Variants in FAM78A observed in about 807,000 individuals in gnomAD.
FAM78A encodes family with sequence similarity 78 member A, also known as protein FAM78A.
A neutral mutation model predicts 22.6 loss-of-function variants in FAM78A; 12 were observed. The observed-to-expected ratio is 0.53, with a 90% confidence interval of 0.34 to 0.86. The LOEUF is 0.86. Ranked by LOEUF, FAM78A falls within the 40% of genes least tolerant of loss-of-function variation. The probability of loss-of-function intolerance (pLI) is 0.02; values close to 1 mark genes in which losing one functional copy is unlikely to be tolerated. For synonymous variants in FAM78A, 151 were observed against 155.8 expected (o/e 0.97, Z 0.23); for missense variants, 322 against 396.1 (o/e 0.81, Z 1.59).
Position 131,272,596 on chromosome 9 carries a change from A to T in FAM78A, c.323+3261T>A, listed in dbSNP as rs1453526533. Among the ~76,000 whole-genome samples the T allele has an allele frequency of 1.3e-5, 2 of 152,226 alleles. No individual in the cohort carries two copies. Among genetic ancestry groups the T allele is most frequent in the African/African-American group, 2.4e-5 (1 of 41,456 alleles). On this transcript the variant is annotated intron_variant, in intron 1 of 1. Coordinates refer to ENST00000372271, the MANE Select transcript of FAM78A (RefSeq NM_033387.4). This position sits in a 1 kb window ranked among gnomAD's most constrained non-coding sequence, Gnocchi z 4.1. Reference sequence around the variant, plus strand: ...ATGCCACAAGGCTTAAAAACTTGGAAAATGGAAGTCATCACAGGAGGCCTG... The same window carrying T: ...ATGCCACAAGGCTTAAAAACTTGGATAATGGAAGTCATCACAGGAGGCCTG...
chr9:131,259,540 T>G lies in FAM78A; in HGVS notation c.*1282A>C, dbSNP rs1051786604. The G allele has an allele frequency of 4.6e-5, 7 of 152,342 alleles. No homozygotes were observed. Among genetic ancestry groups the G allele is most frequent in the African/African-American group, 1.7e-4 (7 of 41,446 alleles). The allele number at this position is 152,342 out of a possible 1,614,324, so 9.4% of individuals were successfully genotyped here. A position where few individuals can be genotyped will look rare whatever the true frequency, so the allele number is the denominator to read the frequency against. On this transcript the variant is annotated 3_prime_UTR_variant, in exon 2 of 2. Coordinates refer to ENST00000372271, the MANE Select transcript of FAM78A (RefSeq NM_033387.4). ...AGACTTCCCTAGAGCTTGGGTGCCT[T>G]CCACCTCCATCACTGTGGCACCCAG...
In FAM78A at chr9:131,275,841, T is replaced by A; in HGVS notation, c.323+16A>T. On this transcript the variant is annotated intron_variant, in intron 1 of 1. Transcript: ENST00000372271. This position sits in a 1 kb window ranked among gnomAD's most constrained non-coding sequence, Gnocchi z 4.6. ...ATCCCTAGCAGTTCCCAGAGCTGGC[T>A]CTCGGCCGTACTCACATGCCCTGCT... 1.9e-6 allele frequency: 3 copies of A among 1,560,060 alleles called. No homozygotes were observed. The highest frequency in any genetic ancestry group is 2.6e-6 in the Non-Finnish European group (3 of 1,150,630).
At chr9:131,266,286 T>C (rs1182658587) in intron 1 of FAM78A, among the ~76,000 whole-genome samples, 1 of 152,186 alleles carries the variant, frequency 6.6e-6, no homozygotes, top group Non-Finnish European at 1.5e-5. Context: ...GACTCCCCTA[T>C]GCCCTTAAAA....
At chr9:131,267,811 T>C (rs1362815378) in intron 1 of FAM78A, among the ~76,000 whole-genome samples, 1 of 151,880 alleles carries the variant, frequency 6.6e-6, no homozygotes, top group Non-Finnish European at 1.5e-5. Context: ...TTTGGGAGGC[T>C]GAGGCGGGCA....
chr9:131,276,361 TCTC>T lies in FAM78A; in HGVS notation c.-185_-183del, dbSNP rs1198800360. The T allele has an allele frequency of 3.0e-5, 16 of 540,626 alleles. No homozygotes were observed. Among genetic ancestry groups the T allele is most frequent in the African/African-American group, 2.5e-4 (13 of 52,672 alleles). The allele number at this position is 540,626 out of a possible 1,614,324, so 33.5% of individuals were successfully genotyped here. On this transcript the variant is annotated 5_prime_UTR_variant, in exon 1 of 2. Coordinates refer to ENST00000372271, the MANE Select transcript of FAM78A (RefSeq NM_033387.4). This position sits in a 1 kb window ranked among gnomAD's most constrained non-coding sequence, Gnocchi z 4.3. ...TCATGAGCCCTGGGCTCTCTCTTCT[TCTC>T]CTCGCAGTGGACAAAAATCACCGAT...
chr9:131,261,877 C>T lies in FAM78A; in HGVS notation c.324-527G>A, dbSNP rs921448646. On this transcript the variant is annotated intron_variant, in intron 1 of 1. Transcript: ENST00000372271. The surrounding 1 kb of genome is among the most constrained non-coding windows in gnomAD (Gnocchi z 7.1). ...AGCTCAGGACACCCTGCGCCCACTG[C>T]GCCTTCTGCTCACCTACGTGCACAG... 2.6e-5 allele frequency among the ~76,000 whole-genome samples: 4 copies of T among 152,184 alleles called. No individual in the cohort carries two copies. Among genetic ancestry groups the T allele is most frequent in the South Asian group, 2.1e-4 (1 of 4,830 alleles).
At chr9:131,276,901 C>A (rs2131199693), upstream of FAM78A, among the ~76,000 whole-genome samples, 1 of 149,178 alleles carries the variant, frequency 6.7e-6, no homozygotes, top group Middle Eastern at 3.4e-3. This position sits in a 1 kb window ranked among gnomAD's most constrained non-coding sequence, Gnocchi z 4.3. Context: ...CCCGGGGCTG[C>A]GCTCCGGCCG....
intron 1 of FAM78A, among the ~76,000 whole-genome samples, chr9:131,273,901 AG>A (rs1386555156): frequency 6.6e-6 from 1 of 152,228 alleles, no homozygotes; most frequent in African/African-American, 2.4e-5. Context: ...AGAGCAGTAA[AG>A]GGACTTGCCT....
In FAM78A at chr9:131,258,868, C is replaced by A. The variant is rs1564233913; in HGVS notation, c.*1954G>T. The A allele has an allele frequency of 6.6e-6, 1 of 152,286 alleles. No individual in the cohort carries two copies. Among genetic ancestry groups the A allele is most frequent in the Non-Finnish European group, 1.5e-5 (1 of 68,056 alleles). 9.4% of individuals were successfully genotyped at this position (152,286 alleles called of 1,614,324 possible). On this transcript the variant is annotated 3_prime_UTR_variant, in exon 2 of 2. Transcript: ENST00000372271. ...GCAGTTTCTGCGGGGAGGTCCTGGC[C>A]CCCATCAGGGGCCCCCTGAGCACCG...
chr9:131,261,725 G>A lies in FAM78A; in HGVS notation c.324-375C>T, dbSNP rs1251814608. Among the ~76,000 whole-genome samples, 2 of 152,116 alleles carry A rather than the reference G, an allele frequency of 1.3e-5. No homozygotes were observed. Among genetic ancestry groups the A allele is most frequent in the Admixed American group, 6.5e-5 (1 of 15,268 alleles). On this transcript the variant is annotated intron_variant, in intron 1 of 1. Transcript: ENST00000372271. The surrounding 1 kb of genome is among the most constrained non-coding windows in gnomAD (Gnocchi z 7.1). ...CAATCTTCTCCATGCAACCCCACCC[G>A]GCAGATACAGAAAGTGAAGTGGTGG...
chr9:131,278,364 G>T (rs1835511120), upstream of FAM78A, among the ~76,000 whole-genome samples: 1 of 152,198 alleles, frequency 6.6e-6, no homozygotes, highest in Admixed American at 6.5e-5. Flanking sequence ...TTGCCCTGGG[G>T]TTCCTGACCG....
intron 1 of FAM78A, among the ~76,000 whole-genome samples, chr9:131,269,451 A>C (rs1426173849): frequency 6.7e-6 from 1 of 150,332 alleles, no homozygotes; most frequent in Non-Finnish European, 1.5e-5. Context: ...TGCTATTAGG[A>C]GCCGTGCTGG....
chr9:131,271,992 C>T (rs1835427014), intron 1 of FAM78A, among the ~76,000 whole-genome samples: 3 of 151,914 alleles, frequency 2.0e-5, no homozygotes, highest in Admixed American at 2.0e-4. Flanking sequence ...CCAGCTCTGT[C>T]TGCAAAAGTC....
upstream of FAM78A, among the ~76,000 whole-genome samples, chr9:131,279,168 G>T (rs1046327608): frequency 1.3e-5 from 2 of 152,236 alleles, no homozygotes; most frequent in African/African-American, 4.8e-5. Flanking sequence ...ACTGACTCGG[G>T]CCAAGGCAGG....
Position 131,276,274 on chromosome 9 carries a change from G to A in FAM78A, c.-95C>T, listed in dbSNP as rs1835483283. On this transcript the variant is annotated 5_prime_UTR_variant, in exon 1 of 2. Coordinates refer to ENST00000372271, the MANE Select transcript of FAM78A (RefSeq NM_033387.4). The surrounding 1 kb of genome is among the most constrained non-coding windows in gnomAD (Gnocchi z 4.3). ...ATCCATAGGATAGAAAACTCACTGA[G>A]TAGACTGGGGTTGCATATATCACTA... The A allele has an allele frequency of 8.9e-6, 9 of 1,008,074 alleles. No individual in the cohort carries two copies. The South Asian group carries it at 1.5e-4, about 17-fold the overall frequency. The allele number at this position is 1,008,074 out of a possible 1,614,324, so 62.4% of individuals were successfully genotyped here.
chr9:131,280,401 C>G (rs368484646), upstream of FAM78A, among the ~76,000 whole-genome samples: 3 of 152,204 alleles, frequency 2.0e-5, no homozygotes, highest in Admixed American at 2.0e-4. Context: ...CGCATCCACG[C>G]GCGTGTGAAG....
intron 1 of FAM78A, among the ~76,000 whole-genome samples, chr9:131,262,927 A>T (rs1440938033): frequency 6.6e-6 from 1 of 151,828 alleles, no homozygotes; most frequent in Non-Finnish European, 1.5e-5. Context: ...TTGGGGACGA[A>T]GTTTCAGTTT....
rs1406551857 is a variant in FAM78A, at chr9:131,260,853, G to A, written c.821C>T (p.Pro274Leu). The change falls in exon 2 of 2, where the codon CCG (proline) becomes CTG (leucine). Residue 274 changes from proline (P) to leucine (L), a missense_variant. Physicochemically the swap from Pro to Leu is moderately conservative, Grantham distance 98. Transcript: ENST00000372271. The surrounding 1 kb of genome is among the most constrained non-coding windows in gnomAD (Gnocchi z 5.4). ...VLMWRPKYGQ[P>L]LVVIPPKHR ...GTGCTTGGGCGGGATCACCACCAGC[G>A]GCTGCCCGTACTTGGGCCGCCACAT... The A allele has an allele frequency of 1.6e-5, 25 of 1,524,496 alleles. No homozygotes were observed. Among genetic ancestry groups the A allele is most frequent in the African/African-American group, 1.4e-5 (1 of 72,162 alleles). 94.4% of individuals were successfully genotyped at this position (1,524,496 alleles called of 1,614,324 possible). A position where few individuals can be genotyped will look rare whatever the true frequency, so the allele number is the denominator to read the frequency against.
chr9:131,260,869 G>A lies in FAM78A; in HGVS notation c.805C>T (p.Pro269Ser). The stretch of plus-strand genomic sequence containing the variant: ...ACCACCAGCGGCTGCCCGTACTTGG[G>A]CCGCCACATGAGGACCTGGGCATCG... ...ANDAQVLMWR[P>S]KYGQPLVVIP... The change falls in exon 2 of 2, where the codon CCC becomes TCC. Residue 269 changes from proline (P) to serine (S), a missense_variant. Pro to Ser is a moderately conservative substitution (Grantham distance 74). Coordinates refer to ENST00000372271, the MANE Select transcript of FAM78A (RefSeq NM_033387.4). This position sits in a 1 kb window ranked among gnomAD's most constrained non-coding sequence, Gnocchi z 5.4. 6.5e-7 allele frequency: 1 copy of A among 1,532,008 alleles called. No homozygotes were observed. The highest frequency in any genetic ancestry group is 8.8e-7 in the Non-Finnish European group (1 of 1,138,822). The allele number at this position is 1,532,008 out of a possible 1,614,324, so 94.9% of individuals were successfully genotyped here. A position where few individuals can be genotyped will look rare whatever the true frequency, so the allele number is the denominator to read the frequency against.
Sources: gnomAD v4.1 joint callset for allele counts (sites outside exome capture counted in the v4.1 genomes callset) on GRCh38, gnomAD v4.1.1 for gene constraint, Gnocchi (gnomAD v3.1) non-coding constraint, MANE v1.5 for transcripts, NCBI Gene and HGNC (gene_info 2026-07-23, HGNC 2026-07-21) for gene names.